The following KLHL22 variants were observed in gnomAD, a reference collection of about 807,000 sequenced individuals.
KLHL22 encodes kelch like family member 22.
A neutral mutation model predicts 60.7 loss-of-function variants in KLHL22; 18 were observed. The ratio of observed to expected loss-of-function variants is 0.30; its 90% CI spans 0.20 to 0.44. The LOEUF is 0.44. Among genes scored for constraint, KLHL22 ranks in the 20% least tolerant of loss-of-function variants. The probability of loss-of-function intolerance (pLI) is 1.00; values close to 1 mark genes in which losing one functional copy is unlikely to be tolerated. For missense variants in KLHL22, 596 were observed against 852.3 expected, an observed-to-expected ratio of 0.70 and a Z score of 3.74; for synonymous variants, 355 against 354.5, an observed-to-expected ratio of 1.00 and a Z score of -0.01.
Position 20,495,563 on chromosome 22 carries a change from C to A in KLHL22, c.-34+197G>T, listed in dbSNP as rs1351852887. 6.6e-6 allele frequency among the ~76,000 whole-genome samples: 1 copy of A among 150,778 alleles called. No homozygotes were observed. Among genetic ancestry groups the A allele is most frequent in the Non-Finnish European group, 1.5e-5 (1 of 67,464 alleles). On this transcript the variant is annotated intron_variant, in intron 1 of 6. Coordinates refer to ENST00000328879, the MANE Select transcript of KLHL22 (RefSeq NM_032775.4). This position sits in a 1 kb window ranked among gnomAD's most constrained non-coding sequence, Gnocchi z 4.6. ...CCCCTACGCGCCCGCGCCCGGGGAT[C>A]CCGCCGGCCGCGTCCCCGCCACGTC... is the stretch of plus-strand genomic sequence containing the variant.
chr22:20,495,160 C>T lies in KLHL22; in HGVS notation c.-34+600G>A, dbSNP rs1473197879. Among the ~76,000 whole-genome samples, 1 of 152,236 alleles carries T rather than the reference C, an allele frequency of 6.6e-6. No individual in the cohort carries two copies. ...CGGAAGGTGGCGGTGCCCCGCTGCC[C>T]GCCCCAGATCCACTCGGCTCGGCCC... On this transcript the variant is annotated intron_variant, in intron 1 of 6. Coordinates refer to ENST00000328879, the MANE Select transcript of KLHL22 (RefSeq NM_032775.4). The surrounding 1 kb of genome is among the most constrained non-coding windows in gnomAD (Gnocchi z 4.6).
chr22:20,482,350 G>C (rs1327222712), intron 2 of KLHL22: 1 of 157,712 alleles, frequency 6.3e-6, no homozygotes, highest in Non-Finnish European at 1.4e-5. Context: ...ATGATTCCCT[G>C]GCATGTAACT....
At chr22:20,447,305 C>G (rs1440280547) in intron 5 of KLHL22, among the ~76,000 whole-genome samples, 1 of 152,204 alleles carries the variant, frequency 6.6e-6, no homozygotes, top group African/African-American at 2.4e-5. Flanking sequence ...CCACTCACAC[C>G]CAGCAGGCCA....
rs558126922 is a variant in KLHL22, at chr22:20,458,420, A to G, written c.1113-420T>C. Reference sequence around the variant, plus strand: ...CTCAGTCTCCTAAGTAGCTGGGACTACAGGTGCGCACCACAACGCCCGCTA... The same window carrying G: ...CTCAGTCTCCTAAGTAGCTGGGACTGCAGGTGCGCACCACAACGCCCGCTA... On this transcript the variant is annotated intron_variant, in intron 4 of 6. Coordinates refer to ENST00000328879, the MANE Select transcript of KLHL22 (RefSeq NM_032775.4). Among the ~76,000 whole-genome samples the G allele has an allele frequency of 1.2e-3, 173 of 147,278 alleles. 1 individual carries two copies. Among genetic ancestry groups the G allele is most frequent in the Middle Eastern group, 3.5e-3 (1 of 284 alleles).
intron 5 of KLHL22, among the ~76,000 whole-genome samples, chr22:20,447,086 G>A (rs558553046): frequency 6.6e-6 from 1 of 152,144 alleles, no homozygotes; most frequent in African/African-American, 2.4e-5. Flanking sequence ...GCAATCCTCC[G>A]GGCCTGCTGA....
rs567493249 is a variant in KLHL22 at position 20,472,108 on chromosome 22, A to G, written c.228-593T>C. 2.6e-5 allele frequency among the ~76,000 whole-genome samples: 4 copies of G among 151,822 alleles called. 1 individual carries two copies. Among genetic ancestry groups the G allele is most frequent in the African/African-American group, 9.7e-5 (4 of 41,386 alleles). Reference sequence around the variant, plus strand: ...CTAAAAATACAAATATTAGCCGGGCATGATGTTGTGCATCTGTAGTCCCAG... The same window carrying G: ...CTAAAAATACAAATATTAGCCGGGCGTGATGTTGTGCATCTGTAGTCCCAG... On this transcript the variant is annotated intron_variant, in intron 2 of 6. Coordinates refer to ENST00000328879, the MANE Select transcript of KLHL22 (RefSeq NM_032775.4).
intron 1 of KLHL22, among the ~76,000 whole-genome samples, chr22:20,492,608 T>A (rs76962508): frequency 6.6e-6 from 1 of 150,994 alleles, no homozygotes; most frequent in South Asian, 2.1e-4. Context: ...TTTTTTTTTT[T>A]AGACGGAGTC....
chr22:20,450,058 G>C (rs1006465201), intron 5 of KLHL22: 2 of 702,246 alleles, frequency 2.8e-6, no homozygotes, highest in Admixed American at 4.0e-5. Flanking sequence ...GCGCGGCTGT[G>C]TGGGATCAGA....
At chr22:20,450,710 A>G (rs1284135917) in intron 5 of KLHL22, 2 of 1,407,462 alleles carry the variant, frequency 1.4e-6, no homozygotes, top group Admixed American at 1.7e-5. Context: ...CCAGTCTTTG[A>G]GGCTGTCATC....
chr22:20,458,930 A>T (rs2053110684), intron 4 of KLHL22, among the ~76,000 whole-genome samples: 1 of 151,888 alleles, frequency 6.6e-6, no homozygotes, highest in African/African-American at 2.4e-5. Context: ...GATTCCAGGG[A>T]CCCCCATGGG....
intron 4 of KLHL22, among the ~76,000 whole-genome samples, chr22:20,459,201 A>C (rs1419492999): frequency 6.6e-6 from 1 of 152,258 alleles, no homozygotes; most frequent in Non-Finnish European, 1.5e-5. Flanking sequence ...TATTCCAAAG[A>C]GAACAAGTCT....
chr22:20,442,720 G>GC (rs535181582), intron 6 of KLHL22, among the ~76,000 whole-genome samples: 321 of 152,308 alleles, frequency 2.1e-3, no homozygotes, highest in African/African-American at 7.4e-3. Context: ...CTTCCTCTAG[G>GC]CCACCCGGCC....
intron 2 of KLHL22, among the ~76,000 whole-genome samples, chr22:20,472,028 C>T (rs986517176): frequency 6.6e-6 from 1 of 152,176 alleles, no homozygotes; most frequent in Non-Finnish European, 1.5e-5. Flanking sequence ...AGGCAAATCA[C>T]TTCAGGTCAG....
rs746794500 is a variant in KLHL22, at chr22:20,446,611, C to A, written c.1371G>T (p.Glu457Asp). Reference protein sequence around the residue: ...KMYITCGRRGEDYLKETHCYD... With the variant: ...KMYITCGRRGDDYLKETHCYD... ...AGCAGTGTGTCTCTTTCAGGTAATC[C>A]TCCCCTCTGCGGCCGCAGGTGATAT... Residue 457 changes from glutamate to aspartate, a missense_variant, in exon 6 of 7, where the codon GAG (glutamate) becomes GAT (aspartate). Physicochemically the swap from Glu to Asp is conservative, Grantham distance 45. Coordinates refer to ENST00000328879, the MANE Select transcript of KLHL22 (RefSeq NM_032775.4). 1.9e-6 allele frequency: 3 copies of A among 1,613,644 alleles called. No individual in the cohort carries two copies. In the African/African-American group the frequency reaches 4.0e-5, roughly 22 times the overall value.
At chr22:20,485,696 C>T (rs547340784) in intron 2 of KLHL22, among the ~76,000 whole-genome samples, 11 of 150,266 alleles carry the variant, frequency 7.3e-5, no homozygotes, top group Non-Finnish European at 1.5e-4. Flanking sequence ...GGCAAAACCC[C>T]GCCTCTACTA....
Position 20,471,372 on chromosome 22 carries a change from A to T in KLHL22, c.371T>A (p.Leu124Gln). The change falls in exon 3 of 7, where the codon CTG becomes CAG. Residue 124 changes from leucine to glutamine, a missense_variant. Leu to Gln is a moderately radical substitution (Grantham distance 113). Coordinates refer to ENST00000328879, the MANE Select transcript of KLHL22 (RefSeq NM_032775.4). ...ELSLSNVQET[L>Q]VAACQLQIPE... ...CACCTGAAGCTGGCAGGCAGCCACC[A>T]GTGTCTCTTGTACATTGCTCAGGCT... 1 of 1,613,840 alleles carries T rather than the reference A, an allele frequency of 6.2e-7. No homozygotes were observed. The highest frequency in any genetic ancestry group is 8.5e-7 in the Non-Finnish European group (1 of 1,179,800).
chr22:20,446,532 C>A lies in KLHL22; in HGVS notation c.1450G>T (p.Ala484Ser). ...AGGAGGGTTGCCATGCCGTGCCAGGCGCGCCGCACAGGCCCATCAGCCAGT... is the reference window on the plus strand; with the variant it reads ...AGGAGGGTTGCCATGCCGTGCCAGGAGCGCCGCACAGGCCCATCAGCCAGT... ...HTLADGPVRRAWHGMATLLNK... is the reference protein window; with the variant it reads ...HTLADGPVRRSWHGMATLLNK... The change falls in exon 6 of 7, where the codon GCC becomes TCC. Residue 484 changes from alanine (A) to serine (S), a missense_variant. Transcript: ENST00000328879. The A allele has an allele frequency of 6.2e-7, 1 of 1,613,662 alleles. No individual in the cohort carries two copies. The highest frequency in any genetic ancestry group is 8.5e-7 in the Non-Finnish European group (1 of 1,179,976).
At chr22:20,446,751 T>C in intron 5 of KLHL22, 75 bp from the exon 6 acceptor site, 1 of 1,109,572 alleles carries the variant, frequency 9.0e-7, no homozygotes, top group Non-Finnish European at 1.4e-6. Flanking sequence ...TCAAGGCCAA[T>C]CACCACCCCA....
intron 1 of KLHL22, chr22:20,491,546 A>G (rs2053691017): frequency 6.6e-6 from 1 of 152,180 alleles, no homozygotes; most frequent in South Asian, 2.1e-4. Context: ...ATATTTCACA[A>G]TATCACAGTA....
Sources: gnomAD v4.1 joint callset for allele counts (sites outside exome capture counted in the v4.1 genomes callset) on GRCh38, gnomAD v4.1.1 for gene constraint, Gnocchi (gnomAD v3.1) non-coding constraint, MANE v1.5 for transcripts, NCBI Gene and HGNC (gene_info 2026-07-23, HGNC 2026-07-21) for gene names.